The following GLRA2 variants were observed in gnomAD, a reference collection of about 807,000 sequenced individuals.
The protein encoded by GLRA2 is glycine receptor alpha 2.
A neutral mutation model predicts 31.6 loss-of-function variants in GLRA2; 11 were observed. That is an observed-to-expected ratio of 0.35 (90% confidence interval 0.22 to 0.58). The LOEUF is 0.58. GLRA2 is among the 20% of genes least tolerant of loss of function. GLRA2 has a pLI of 0.84. For missense variants in GLRA2, 212 were observed against 351.8 expected, an observed-to-expected ratio of 0.60 and a Z score of 3.18; for synonymous variants, 132 against 134.0, an observed-to-expected ratio of 0.99 and a Z score of 0.10.
rs762354162 is a variant in GLRA2 at position 14,567,001 on chromosome X, G to A, written c.203-7332G>A. On this transcript the variant is annotated intron_variant, in intron 2 of 8. Coordinates refer to ENST00000218075, the MANE Select transcript of GLRA2 (RefSeq NM_002063.4). The stretch of plus-strand genomic sequence containing the variant: ...GTAGTAAAAACTCTTAAACTTTCAC[G>A]TTGTGGTTGCGTCATTAAAGCTGTT... Among the ~76,000 whole-genome samples the A allele has an allele frequency of 1.1e-4, 12 of 110,657 alleles. No homozygotes were observed. The South Asian group carries it at 1.2e-3, about 11-fold the overall frequency.
At chrX:14,652,158 G>A (rs968318080) in intron 7 of GLRA2, among the ~76,000 whole-genome samples, 6 of 111,674 alleles carry the variant, frequency 5.4e-5, no homozygotes, top group African/African-American at 2.0e-4. Context: ...CACAAGCTAT[G>A]GTGTTTAATT....
At chrX:14,583,653 C>T (rs2090049532) in intron 4 of GLRA2, among the ~76,000 whole-genome samples, 2 of 111,839 alleles carry the variant, frequency 1.8e-5, no homozygotes. Flanking sequence ...GCAGGAGAAT[C>T]GCTTGAACCT....
intron 3 of GLRA2, among the ~76,000 whole-genome samples, chrX:14,578,031 T>C (rs1054686582): frequency 8.9e-6 from 1 of 111,778 alleles, no homozygotes; most frequent in Non-Finnish European, 1.9e-5. Context: ...TCTGGGGTAA[T>C]AGTTTTGATT....
chrX:14,657,386 C>A (rs1438159559), intron 7 of GLRA2, among the ~76,000 whole-genome samples: 4 of 112,173 alleles, frequency 3.6e-5, no homozygotes, highest in Non-Finnish European at 7.5e-5. Context: ...TAGGCAGTGC[C>A]TTGAGTTCAG....
chrX:14,563,271 C>CTTGG (rs1355318725), intron 2 of GLRA2, among the ~76,000 whole-genome samples: 2 of 112,130 alleles, frequency 1.8e-5, no homozygotes, highest in East Asian at 2.8e-4. Flanking sequence ...GTTTTGTTTG[C>CTTGG]TTGGTTGGTT....
intron 7 of GLRA2, among the ~76,000 whole-genome samples, chrX:14,617,370 AAACATAAAAT>A (rs1326752622): frequency 7.2e-5 from 8 of 111,703 alleles, no homozygotes; most frequent in Non-Finnish European, 1.3e-4. Flanking sequence ...AAGAAGACAT[AAACATAAAAT>A]AGAAGATTAT....
chrX:14,683,780 C>T (rs1425423763), intron 7 of GLRA2, among the ~76,000 whole-genome samples: 1 of 110,489 alleles, frequency 9.1e-6, no homozygotes, highest in Non-Finnish European at 1.9e-5. Context: ...GCCAATTTTC[C>T]CAGCACCATT....
intron 7 of GLRA2, among the ~76,000 whole-genome samples, chrX:14,653,230 T>TA (rs760967239): frequency 8.9e-6 from 1 of 111,897 alleles, no homozygotes; most frequent in South Asian, 3.7e-4. Context: ...TACTATTTTT[T>TA]AAAAAATGAA....
chrX:14,546,550 G>A (rs1240597996), intron 2 of GLRA2, among the ~76,000 whole-genome samples: 2 of 110,626 alleles, frequency 1.8e-5, no homozygotes, highest in East Asian at 5.7e-4. Flanking sequence ...AAAACTCCAC[G>A]ATTCTACTTG....
At chrX:14,567,094 C>T (rs2089817307) in intron 2 of GLRA2, among the ~76,000 whole-genome samples, 1 of 111,949 alleles carries the variant, frequency 8.9e-6, no homozygotes, top group Non-Finnish European at 1.9e-5. Context: ...TCTGCTGGTG[C>T]TCTTTTGTCC....
At chrX:14,509,837 C>A in the GLRA2 span, among the ~76,000 whole-genome samples, 3 of 111,804 alleles carry the variant, frequency 2.7e-5, no homozygotes, top group African/African-American at 9.8e-5. Context: ...AATGATTATA[C>A]CTGAGTTTAT....
At chrX:14,666,970 A>C (rs1285799206) in intron 7 of GLRA2, among the ~76,000 whole-genome samples, 3 of 112,290 alleles carry the variant, frequency 2.7e-5, no homozygotes, top group African/African-American at 9.7e-5. Flanking sequence ...ACCTCTGTAA[A>C]ACAGATTACA....
intron 8 of GLRA2, among the ~76,000 whole-genome samples, chrX:14,700,021 G>A (rs2091516151): frequency 9.0e-6 from 1 of 111,192 alleles, no homozygotes; most frequent in Admixed American, 9.6e-5. Context: ...TAAAACTAAT[G>A]GGTACTAGGC....
the GLRA2 span, among the ~76,000 whole-genome samples, chrX:14,463,938 C>A: frequency 8.9e-6 from 1 of 111,885 alleles, no homozygotes; most frequent in East Asian, 2.8e-4. Context: ...GCAGAAATCA[C>A]CCGTCTTCTG....
At chrX:14,617,505 T>G (rs2090466835) in intron 7 of GLRA2, among the ~76,000 whole-genome samples, 1 of 112,048 alleles carries the variant, frequency 8.9e-6, no homozygotes, top group African/African-American at 3.2e-5. Context: ...CTTGACCATG[T>G]GACTTGTCCT....
chrX:14,503,010 T>C, the GLRA2 span, among the ~76,000 whole-genome samples: 1 of 110,952 alleles, frequency 9.0e-6, no homozygotes, highest in Non-Finnish European at 1.9e-5. Flanking sequence ...TGCATGCATA[T>C]TGAGAGACTA....
chrX:14,693,469 C>T (rs1330204977), intron 8 of GLRA2, among the ~76,000 whole-genome samples: 2 of 111,396 alleles, frequency 1.8e-5, no homozygotes, highest in African/African-American at 6.5e-5. Context: ...TCAGAATACA[C>T]CAAGTTTAAA....
intron 5 of GLRA2, among the ~76,000 whole-genome samples, chrX:14,605,527 G>C (rs1384746890): frequency 5.4e-5 from 6 of 111,149 alleles, no homozygotes; most frequent in Non-Finnish European, 7.6e-5. Context: ...CCTTCTTTCT[G>C]TTTTCTCTAC....
At chrX:14,648,764 T>C (rs960129715) in intron 7 of GLRA2, among the ~76,000 whole-genome samples, 2 of 111,839 alleles carry the variant, frequency 1.8e-5, no homozygotes, top group Non-Finnish European at 3.8e-5. Flanking sequence ...ACTAGGTTAA[T>C]GCAAAATAAA....
Sources: allele counts gnomAD v4.1 joint callset (sites outside exome capture counted in the v4.1 genomes callset), GRCh38; gene constraint gnomAD v4.1.1; transcripts MANE v1.5; gene names NCBI Gene and HGNC (gene_info 2026-07-23, HGNC 2026-07-21).